MYO5C: variants seen among roughly 807,000 people sequenced by gnomAD.
The protein encoded by MYO5C is unconventional myosin-Vc.
Under a neutral mutation model 235.7 loss-of-function variants are expected in MYO5C, and 194 were observed. That is an observed-to-expected ratio of 0.82 (90% CI 0.73 to 0.93). The LOEUF is 0.93. Among genes scored for constraint, MYO5C ranks in the 40% least tolerant of loss-of-function variants. MYO5C has a pLI of 0.00. For missense variants in MYO5C, 2,038 were observed against 2,127.2 expected, an observed-to-expected ratio of 0.96 and a Z score of 0.82; for synonymous variants, 707 against 754.8, an observed-to-expected ratio of 0.94 and a Z score of 1.04.
chr15:52,232,580 C>G (rs374829335), intron 24 of MYO5C, 42 bp downstream of exon 24: 104 of 1,576,752 alleles, frequency 6.6e-5, no homozygotes, highest in Non-Finnish European at 8.3e-5. Flanking sequence ...ACAGCACAGA[C>G]AGAAGAAAGA....
At chr15:52,232,782 T>C (rs1212690153) in intron 23 of MYO5C, 97 bp from the exon 24 acceptor site, 14 of 1,076,736 alleles carry the variant, frequency 1.3e-5, no homozygotes, top group Non-Finnish European at 2.0e-5. Flanking sequence ...AGGACAATCA[T>C]GTGATGTTTA....
chr15:52,197,378 A>G (rs2035075180), intron 38 of MYO5C, among the ~76,000 whole-genome samples: 1 of 152,228 alleles, frequency 6.6e-6, no homozygotes, highest in African/African-American at 2.4e-5. Flanking sequence ...GAAAGAAGCC[A>G]TCCACAAAAG....
At chr15:52,284,331 C>T (rs1009843751) in intron 1 of MYO5C, among the ~76,000 whole-genome samples, 2 of 152,128 alleles carry the variant, frequency 1.3e-5, no homozygotes, top group African/African-American at 4.8e-5. Flanking sequence ...GTTAAAGAAG[C>T]CTTACACAAA....
intron 26 of MYO5C, 97 bp from the exon 27 acceptor site, chr15:52,225,235 C>G: frequency 7.4e-7 from 1 of 1,346,558 alleles, no homozygotes; most frequent in Non-Finnish European, 1.0e-6. Context: ...TTCACAGTCT[C>G]CAGCTAAATA....
At chr15:52,216,422 C>A (rs1459169349) in intron 32 of MYO5C, among the ~76,000 whole-genome samples, 1 of 151,988 alleles carries the variant, frequency 6.6e-6, no homozygotes, top group African/African-American at 2.4e-5. Context: ...ACTACGTTGC[C>A]CTGGCTGGTT....
chr15:52,247,890 C>T (rs2036387767), intron 14 of MYO5C, among the ~76,000 whole-genome samples: 2 of 152,210 alleles, frequency 1.3e-5, no homozygotes, highest in South Asian at 2.1e-4. Flanking sequence ...GCCTGGCTCA[C>T]ACTGTGTCTC....
intron 11 of MYO5C, among the ~76,000 whole-genome samples, chr15:52,253,842 G>C (rs991791591): frequency 6.6e-6 from 1 of 152,238 alleles, no homozygotes; most frequent in Non-Finnish European, 1.5e-5. Flanking sequence ...GAGAATGCTA[G>C]CTGCGGGGCC....
intron 1 of MYO5C, among the ~76,000 whole-genome samples, chr15:52,285,132 C>T (rs186243254): frequency 6.6e-6 from 1 of 152,268 alleles, no homozygotes; most frequent in Non-Finnish European, 1.5e-5. Flanking sequence ...CTTTGGGAGA[C>T]CCAGGTGGGT....
intron 10 of MYO5C, among the ~76,000 whole-genome samples, chr15:52,260,118 C>A (rs191341285): frequency 2.0e-5 from 3 of 152,342 alleles, no homozygotes; most frequent in African/African-American, 7.2e-5. Context: ...CCCTCCATGC[C>A]AGCTTCCACT....
At position 52,224,974 on chromosome 15, in the gene MYO5C, C is replaced by T. The variant is rs746304087; in HGVS notation, c.3373G>A (p.Val1125Met). 2 of 1,614,040 alleles carry T rather than the reference C, an allele frequency of 1.2e-6. No homozygotes were observed. The highest frequency in any genetic ancestry group is 2.7e-5 in the African/African-American group (2 of 75,042). ...TCATTTAAATGTTCCAGATCTTCCA[C>T]AGAGAGCCTGCAAAATAAGGAAGAT... ...DIEDVRSRLS[V>M]EDLEHLNEDG... Residue 1125 changes from valine to methionine, a missense_variant, in exon 28 of 41, where the codon GTG becomes ATG. Val to Met is a conservative substitution (Grantham distance 21). Coordinates refer to ENST00000261839, the MANE Select transcript of MYO5C (RefSeq NM_018728.4).
At chr15:52,194,650 G>A (rs527755519) in intron 40 of MYO5C, among the ~76,000 whole-genome samples, 15 of 152,046 alleles carry the variant, frequency 9.9e-5, no homozygotes, top group African/African-American at 3.6e-4. Flanking sequence ...AAAATTTAGT[G>A]AGAAGTGGTA....
At chr15:52,286,615 G>A (rs1488793730) in intron 1 of MYO5C, among the ~76,000 whole-genome samples, 20 of 152,114 alleles carry the variant, frequency 1.3e-4, no homozygotes, top group African/African-American at 4.8e-4. Context: ...CTTCTTCCTT[G>A]GGATCCTGTT....
At chr15:52,279,414 G>C (rs2037118420) in intron 3 of MYO5C, 95 bp downstream of exon 3, 1 of 1,288,132 alleles carries the variant, frequency 7.8e-7, no homozygotes, top group South Asian at 1.6e-5. Flanking sequence ...AACAAACTCT[G>C]GGTGCTCAGT....
chr15:52,242,835 C>T (rs2036257344), intron 19 of MYO5C: 1 of 152,226 alleles, frequency 6.6e-6, no homozygotes, highest in Non-Finnish European at 1.5e-5. Flanking sequence ...GATGTCTGTA[C>T]ACAGTGAAGG....
Position 52,244,429 on chromosome 15 carries a change from T to A in MYO5C, c.2317A>T (p.Arg773Trp). The change falls in exon 19 of 41, where the codon AGG becomes TGG. Residue 773 changes from arginine (R) to tryptophan (W), a missense_variant. Physicochemically the swap from Arg to Trp is moderately radical, Grantham distance 101 (BLOSUM62 -3). Coordinates refer to ENST00000261839, the MANE Select transcript of MYO5C (RefSeq NM_018728.4). ...CGTCTCTCTCGGAGGAATTTTTTCC[T>A]CTGGAGCCAGCCACGCATGTGCTTT... ...VQKHMRGWLQ[R>W]KKFLRERRAA... The A allele has an allele frequency of 6.2e-7, 1 of 1,614,158 alleles. No homozygotes were observed. Among genetic ancestry groups the A allele is most frequent in the Non-Finnish European group, 8.5e-7 (1 of 1,180,032 alleles).
chr15:52,224,691 G>GT (rs778794237), intron 28 of MYO5C, among the ~76,000 whole-genome samples: 54 of 152,264 alleles, frequency 3.5e-4, no homozygotes, highest in South Asian at 1.9e-3. Flanking sequence ...GGGTTATGGG[G>GT]TTTTTTACTA....
chr15:52,237,929 A>C (rs4776024), intron 21 of MYO5C, among the ~76,000 whole-genome samples: 113,497 of 150,530 alleles, frequency 0.75, 46,317 homozygotes, highest in Non-Finnish European at 0.93. Flanking sequence ...GCCCCCCGCC[A>C]AAATTCATTT....
intron 38 of MYO5C, among the ~76,000 whole-genome samples, chr15:52,200,397 G>A (rs555913774): frequency 6.6e-6 from 1 of 151,996 alleles, no homozygotes; most frequent in East Asian, 1.9e-4. Flanking sequence ...GTGAAACCCC[G>A]TCTCTACTAA....
intron 25 of MYO5C, among the ~76,000 whole-genome samples, 177 bp from the exon 26 acceptor site, chr15:52,225,709 T>C (rs568379900): frequency 2.0e-5 from 3 of 152,318 alleles, no homozygotes; most frequent in Admixed American, 2.0e-4. Flanking sequence ...CCTTGAAGCA[T>C]GCTTAACTAC....
Sources: allele counts gnomAD v4.1 joint callset (sites outside exome capture counted in the v4.1 genomes callset), GRCh38; gene constraint gnomAD v4.1.1; transcripts MANE v1.5; gene names NCBI Gene and HGNC (gene_info 2026-07-23, HGNC 2026-07-21).